Variants in TMEM131 observed in about 807,000 individuals in gnomAD.
TMEM131 encodes transmembrane protein 131, also known as 2610524E03Rik.
TMEM131 carries 66 observed loss-of-function variants against 211.6 expected under a neutral mutation model. The ratio of observed to expected loss-of-function variants is 0.31; its 90% confidence interval spans 0.26 to 0.38. The LOEUF (loss-of-function observed/expected upper bound fraction) is 0.38, where lower values mean the gene tolerates loss of function less well. TMEM131 is among the 10% of genes least tolerant of loss of function. The pLI is 1.00. For synonymous variants in TMEM131, 844 were observed against 841.3 expected (o/e 1.00, Z -0.06); for missense variants, 2,036 against 2,299.3 (o/e 0.89, Z 2.34).
At chr2:97,930,381 T>A (rs973050080) in intron 1 of TMEM131, among the ~76,000 whole-genome samples, 6 of 151,786 alleles carry the variant, frequency 4.0e-5, no homozygotes, top group African/African-American at 1.5e-4. Context: ...ATACTGCTTT[T>A]TAAATCAGAA....
chr2:97,952,616 C>T (rs1678375379), intron 1 of TMEM131, among the ~76,000 whole-genome samples: 1 of 152,180 alleles, frequency 6.6e-6, no homozygotes, highest in South Asian at 2.1e-4. Context: ...GTAGCTCATG[C>T]CTACAACCCC....
At chr2:97,780,683 CAG>C (rs1250643757) in intron 31 of TMEM131, among the ~76,000 whole-genome samples, 1 of 151,982 alleles carries the variant, frequency 6.6e-6, no homozygotes, top group African/African-American at 2.4e-5. Flanking sequence ...ATTAAAAAAA[CAG>C]AATTCAGAGG....
intron 31 of TMEM131, among the ~76,000 whole-genome samples, chr2:97,780,849 A>G (rs770296012): frequency 1.8e-4 from 28 of 152,056 alleles, no homozygotes; most frequent in Middle Eastern, 6.8e-3. Context: ...TGAATGGAGA[A>G]GCGGTTTAGA....
intron 11 of TMEM131, among the ~76,000 whole-genome samples, chr2:97,828,928 C>G (rs975360610): frequency 1.3e-5 from 2 of 152,198 alleles, no homozygotes; most frequent in Non-Finnish European, 2.9e-5. Context: ...AATTTGTTTC[C>G]TCTACGATCG....
rs192470385 is a variant in TMEM131, at chr2:97,975,314, A to C, written c.187+20162T>G. Among the ~76,000 whole-genome samples the C allele has an allele frequency of 2.0e-3, 307 of 152,276 alleles. No individual in the cohort carries two copies. In the Middle Eastern group the frequency reaches 0.02, roughly 10 times the overall value. ...CAGAAAAAGTGAGACAAATACAAACATATACAGAGAATAATAAAGCCAAAA... is the reference window on the plus strand; with the variant it reads ...CAGAAAAAGTGAGACAAATACAAACCTATACAGAGAATAATAAAGCCAAAA... On this transcript the variant is annotated intron_variant, in intron 1 of 40. Coordinates refer to ENST00000186436, the MANE Select transcript of TMEM131 (RefSeq NM_015348.2).
At chr2:97,758,099 T>C (rs1194818105) in intron 40 of TMEM131, among the ~76,000 whole-genome samples, 2 of 149,248 alleles carry the variant, frequency 1.3e-5, no homozygotes, top group African/African-American at 5.0e-5. Flanking sequence ...GCCACTGCAC[T>C]CCAGCCTGGG....
At position 97,775,784 on chromosome 2, in the gene TMEM131, T is replaced by C. The variant is rs552134319; in HGVS notation, c.4320+59A>G. 258 of 1,539,188 alleles carry C rather than the reference T, an allele frequency of 1.7e-4. 1 individual carries two copies. The Middle Eastern group carries it at 9.1e-3, about 54-fold the overall frequency. ...AGAATCTATGAGATGGAAGGTCTTG[T>C]GAGCTGCAGGAGACCTCTCTTTCTC... On this transcript the variant is annotated intron_variant, in intron 32 of 40. Coordinates refer to ENST00000186436, the MANE Select transcript of TMEM131 (RefSeq NM_015348.2).
chr2:97,909,705 T>C (rs537100881), intron 2 of TMEM131, among the ~76,000 whole-genome samples: 1 of 152,346 alleles, frequency 6.6e-6, no homozygotes, highest in East Asian at 1.9e-4. Context: ...GTGGCAGATG[T>C]AGAAAACTGT....
intron 7 of TMEM131, among the ~76,000 whole-genome samples, chr2:97,837,929 C>T (rs1683007674): frequency 6.6e-6 from 1 of 152,204 alleles, no homozygotes; most frequent in Non-Finnish European, 1.5e-5. Context: ...TGCTCTCTAT[C>T]ACCTCAGACT....
chr2:97,776,216 G>T (rs1347551657), intron 31 of TMEM131, among the ~76,000 whole-genome samples, 198 bp from the exon 32 acceptor site: 2 of 152,084 alleles, frequency 1.3e-5, no homozygotes, highest in African/African-American at 4.8e-5. Context: ...ACCATGCCCA[G>T]CTAATTTTTT....
intron 26 of TMEM131, 139 bp downstream of exon 26, chr2:97,797,226 A>G (rs759869636): frequency 6.8e-6 from 6 of 885,988 alleles, no homozygotes; most frequent in Non-Finnish European, 1.1e-5. Context: ...ATGTTTCATC[A>G]GGCATGGAGT....
At chr2:97,887,807 T>G in intron 4 of TMEM131, 1 of 377,820 alleles carries the variant, frequency 2.6e-6, no homozygotes, top group Non-Finnish European at 4.7e-6. Flanking sequence ...TTCCAAAGAG[T>G]CTCTGAACCA....
intron 1 of TMEM131, among the ~76,000 whole-genome samples, chr2:97,947,730 A>T (rs927958093): frequency 2.6e-5 from 4 of 152,180 alleles, no homozygotes; most frequent in African/African-American, 9.6e-5. Flanking sequence ...AGGACCCAAA[A>T]TAGTAAAAAG....
chr2:97,826,477 C>A (rs1682389172), intron 11 of TMEM131, among the ~76,000 whole-genome samples: 1 of 151,938 alleles, frequency 6.6e-6, no homozygotes, highest in South Asian at 2.1e-4. Context: ...CCGCCGAAGC[C>A]ATCAAAAGGG....
chr2:97,791,344 A>G (rs1464886076), intron 31 of TMEM131, among the ~76,000 whole-genome samples: 2 of 152,134 alleles, frequency 1.3e-5, no homozygotes, highest in Non-Finnish European at 2.9e-5. Context: ...TACAACATTG[A>G]TGGGATGCCA....
At chr2:97,927,680 A>T (rs1242326305) in intron 1 of TMEM131, among the ~76,000 whole-genome samples, 193 bp from the exon 2 acceptor site, 2 of 152,036 alleles carry the variant, frequency 1.3e-5, no homozygotes, top group Non-Finnish European at 2.9e-5. Flanking sequence ...TAAAACAAAT[A>T]ATAAAGTAAC....
At chr2:97,814,522 T>TACA in intron 13 of TMEM131, 134 bp from the exon 14 acceptor site, 1 of 911,622 alleles carries the variant, frequency 1.1e-6, no homozygotes, top group Non-Finnish European at 1.5e-6. Flanking sequence ...AGAACTATAA[T>TACA]ATTTTAGTGA....
chr2:97,981,399 G>A (rs912152780), intron 1 of TMEM131, among the ~76,000 whole-genome samples: 1 of 152,174 alleles, frequency 6.6e-6, no homozygotes, highest in African/African-American at 2.4e-5. Flanking sequence ...GTTAGACACT[G>A]TGCCAAACTT....
Position 97,995,680 on chromosome 2 carries a change from C to A in TMEM131, c.-18G>T, listed in dbSNP as rs1327476585. ...TTCCCCATCCCTGCCGGCCGGGGGC[C>A]GCCGCGCTCGAGGTCCGGCGCGGCC... On this transcript the variant is annotated 5_prime_UTR_variant, in exon 1 of 41. Coordinates refer to ENST00000186436, the MANE Select transcript of TMEM131 (RefSeq NM_015348.2). The A allele has an allele frequency of 1.7e-6, 2 of 1,197,682 alleles. No individual in the cohort carries two copies. The highest frequency in any genetic ancestry group is 1.6e-5 in the African/African-American group (1 of 62,980). 74.2% of individuals were successfully genotyped at this position (1,197,682 alleles called of 1,614,324 possible). A position where few individuals can be genotyped will look rare whatever the true frequency, so the allele number is the denominator to read the frequency against.
Sources: allele counts gnomAD v4.1 joint callset (sites outside exome capture counted in the v4.1 genomes callset), GRCh38; gene constraint gnomAD v4.1.1; transcripts MANE v1.5; gene names NCBI Gene and HGNC (gene_info 2026-07-23, HGNC 2026-07-21).